The following ATE1 variants were observed in gnomAD, a reference collection of about 807,000 sequenced individuals.
ATE1 encodes the protein arginyl-tRNA--protein transferase 1.
A neutral mutation model predicts 70.5 loss-of-function variants in ATE1; 36 were observed. The observed-to-expected ratio is 0.51, with a 90% CI of 0.39 to 0.67. ATE1 has a LOEUF of 0.67. Ranked by LOEUF, ATE1 falls within the 30% of genes least tolerant of loss-of-function variation. The pLI is 0.00. For synonymous variants in ATE1, 232 were observed against 219.3 expected, an observed-to-expected ratio of 1.06 and a Z score of -0.51; for missense variants, 593 against 629.5, an observed-to-expected ratio of 0.94 and a Z score of 0.62.
intron 3 of ATE1, among the ~76,000 whole-genome samples, chr10:121,916,167 C>G (rs1203029688): frequency 1.3e-5 from 2 of 151,834 alleles, no homozygotes; most frequent in Non-Finnish European, 2.9e-5. Context: ...GCGGAGCTTG[C>G]AGTGAGCAGA....
chr10:121,757,388 C>T (rs560760212), intron 11 of ATE1, among the ~76,000 whole-genome samples: 3 of 152,190 alleles, frequency 2.0e-5, no homozygotes, highest in Non-Finnish European at 4.4e-5. Context: ...TGCCTGTTGC[C>T]CAGTTCCAAA....
intron 11 of ATE1, among the ~76,000 whole-genome samples, chr10:121,784,409 A>G (rs1168903723): frequency 1.3e-5 from 2 of 152,218 alleles, no homozygotes; most frequent in Non-Finnish European, 2.9e-5. Context: ...CACACCAAAT[A>G]TTGTAGCAAA....
At chr10:121,744,803 C>G (rs569255229) in intron 11 of ATE1, among the ~76,000 whole-genome samples, 2 of 152,306 alleles carry the variant, frequency 1.3e-5, no homozygotes, top group East Asian at 3.9e-4. Context: ...CTTCCTGTGG[C>G]TGGGTGTGGG....
intron 11 of ATE1, among the ~76,000 whole-genome samples, chr10:121,764,297 C>T (rs1208149572): frequency 6.6e-6 from 1 of 151,800 alleles, no homozygotes. Flanking sequence ...CTACACTACA[C>T]CTTTGCCGTT....
At position 121,899,498 on chromosome 10, in the gene ATE1, A is replaced by T. The variant is rs77327009; in HGVS notation, c.942+368T>A. ...CTACATACATCTTTCAAATACAGAT[A>T]AAGCATTAAAATCATGTTAGGCAAA... On this transcript the variant is annotated intron_variant, in intron 7 of 11. Coordinates refer to ENST00000224652, the MANE Select transcript of ATE1 (RefSeq NM_001001976.3). Among the ~76,000 whole-genome samples, 1,197 of 152,362 alleles carry T rather than the reference A, an allele frequency of 7.9e-3. 18 individuals are homozygous for T. Among genetic ancestry groups the T allele is most frequent in the African/African-American group, 0.028 (1,157 of 41,588 alleles).
intron 11 of ATE1, among the ~76,000 whole-genome samples, chr10:121,781,754 T>G (rs1357639121): frequency 6.6e-6 from 1 of 152,224 alleles, no homozygotes; most frequent in Non-Finnish European, 1.5e-5. Context: ...AAGCAGAAAC[T>G]TTAATTCTTT....
intron 11 of ATE1, among the ~76,000 whole-genome samples, chr10:121,760,432 C>A (rs78597107): frequency 0.012 from 1,871 of 152,270 alleles, 34 homozygotes; most frequent in Admixed American, 0.044. Flanking sequence ...GACATTTGGA[C>A]GAAGTTGATT....
intron 11 of ATE1, among the ~76,000 whole-genome samples, chr10:121,768,348 A>G (rs142663622): frequency 1.8e-3 from 278 of 152,308 alleles, no homozygotes; most frequent in African/African-American, 6.1e-3. Flanking sequence ...AAAATATACA[A>G]TTTATAGTTG....
intron 11 of ATE1, among the ~76,000 whole-genome samples, chr10:121,769,061 A>G (rs535795197): frequency 6.6e-6 from 1 of 152,136 alleles, no homozygotes; most frequent in African/African-American, 2.4e-5. Context: ...TAAAATTTAT[A>G]TGGAAAGGCA....
intron 5 of ATE1, among the ~76,000 whole-genome samples, chr10:121,908,553 C>G (rs895372729): frequency 1.1e-4 from 16 of 152,126 alleles, no homozygotes; most frequent in Non-Finnish European, 2.2e-4. Flanking sequence ...GAGAAACAAA[C>G]AGATGAGCGG....
intron 8 of ATE1, among the ~76,000 whole-genome samples, chr10:121,854,864 T>C (rs4752610): frequency 0.91 from 137,982 of 152,188 alleles, 62,693 homozygotes; most frequent in Middle Eastern, 0.96. Context: ...GTGTAACCCA[T>C]GGGCTCCCAG....
intron 10 of ATE1, among the ~76,000 whole-genome samples, chr10:121,808,100 A>C (rs1590354055): frequency 6.6e-6 from 1 of 152,222 alleles, no homozygotes; most frequent in African/African-American, 2.4e-5. Context: ...GGATCTACAC[A>C]TCTGTAAACC....
chr10:121,806,767 CACAT>C (rs1218811611), intron 10 of ATE1, among the ~76,000 whole-genome samples: 1 of 152,156 alleles, frequency 6.6e-6, no homozygotes, highest in Non-Finnish European at 1.5e-5. Flanking sequence ...AAGTATGCAA[CACAT>C]ACAAAGATAA....
chr10:121,751,017 T>A (rs1451166285), intron 11 of ATE1, among the ~76,000 whole-genome samples: 1 of 152,160 alleles, frequency 6.6e-6, no homozygotes, highest in Non-Finnish European at 1.5e-5. Flanking sequence ...CTTTTCAGCA[T>A]AAAATAGCAA....
Position 121,761,465 on chromosome 10 carries a change from GT to G in ATE1, c.1379-17608del, listed in dbSNP as rs541113077. ...CTTTTAAATTAAGCTATGTATGATA[GT>G]TTTTTTTTCCCAACATAATGCTATT... On this transcript the variant is annotated intron_variant, in intron 11 of 11. Transcript: ENST00000224652. Among the ~76,000 whole-genome samples the G allele has an allele frequency of 1.0e-2, 515 of 51,696 alleles. 3 individuals carry two copies. Among genetic ancestry groups the G allele is most frequent in the Non-Finnish European group, 0.015 (240 of 16,386 alleles). 33.9% of individuals were successfully genotyped at this position (51,696 alleles called of 152,430 possible). A position where few individuals can be genotyped will look rare whatever the true frequency, so the allele number is the denominator to read the frequency against.
chr10:121,751,188 A>G (rs1317818989), intron 11 of ATE1, among the ~76,000 whole-genome samples: 1 of 152,246 alleles, frequency 6.6e-6, no homozygotes, highest in Non-Finnish European at 1.5e-5. Context: ...TTGTAATTTC[A>G]CTCGGAATAT....
chr10:121,852,311 T>C (rs1366711162), intron 8 of ATE1, among the ~76,000 whole-genome samples: 1 of 152,178 alleles, frequency 6.6e-6, no homozygotes, highest in East Asian at 1.9e-4. Context: ...TAAATAACAG[T>C]TAATGGAGGC....
chr10:121,875,308 G>GT (rs869073193), intron 7 of ATE1, among the ~76,000 whole-genome samples: 21 of 12,564 alleles, frequency 1.7e-3, no homozygotes, highest in East Asian at 3.2e-3. Context: ...GTTTTTTTTT[G>GT]TTTTTTTTTT....
chr10:121,811,953 T>C (rs868078162), intron 10 of ATE1, among the ~76,000 whole-genome samples: 119 of 37,484 alleles, frequency 3.2e-3, no homozygotes, highest in African/African-American at 0.014. Flanking sequence ...TCCAAATTCT[T>C]TTTTTTTTTT....
Sources: gnomAD v4.1 joint callset for allele counts (sites outside exome capture counted in the v4.1 genomes callset) on GRCh38, gnomAD v4.1.1 for gene constraint, MANE v1.5 for transcripts, NCBI Gene and HGNC (gene_info 2026-07-23, HGNC 2026-07-21) for gene names.